Variants in FHOD3 observed in about 807,000 individuals in gnomAD.
The protein encoded by FHOD3 is formin homology 2 domain containing 3.
FHOD3 carries 90 observed loss-of-function variants against 173.0 expected under a neutral mutation model. That is an observed-to-expected ratio of 0.52 (90% CI 0.44 to 0.62). The LOEUF (loss-of-function observed/expected upper bound fraction) is 0.62, where lower values mean the gene tolerates loss of function less well. FHOD3 is among the 20% of genes least tolerant of loss of function. The probability of loss-of-function intolerance (pLI) is 0.00; values close to 1 mark genes in which losing one functional copy is unlikely to be tolerated. For synonymous variants in FHOD3, 828 were observed against 823.0 expected (o/e 1.01, Z -0.10); for missense variants, 1,945 against 2,034.7 (o/e 0.96, Z 0.85).
At chr18:36,327,047 T>C (rs1228729231) in intron 1 of FHOD3, among the ~76,000 whole-genome samples, 1 of 152,326 alleles carries the variant, frequency 6.6e-6, no homozygotes, top group East Asian at 1.9e-4. Context: ...GTGATATCTC[T>C]GTAAAGTACG....
chr18:36,517,017 G>A (rs1029304852), intron 5 of FHOD3, among the ~76,000 whole-genome samples: 15 of 151,586 alleles, frequency 9.9e-5, no homozygotes, highest in South Asian at 4.2e-4. Flanking sequence ...CCAGGAATCC[G>A]CTGCTTTCCT....
chr18:36,549,568 C>T (rs557908970), intron 5 of FHOD3, among the ~76,000 whole-genome samples: 94 of 112,762 alleles, frequency 8.3e-4, no homozygotes, highest in Non-Finnish European at 1.4e-3. Context: ...GATGGAGTCT[C>T]GCTCTGTTAC....
intron 3 of FHOD3, among the ~76,000 whole-genome samples, chr18:36,459,548 C>G (rs2052427841): frequency 6.6e-6 from 1 of 152,146 alleles, no homozygotes; most frequent in Non-Finnish European, 1.5e-5. Context: ...CCTGTCTGAC[C>G]TGCAGTGTGG....
chr18:36,535,871 G>T (rs961470127), intron 5 of FHOD3, among the ~76,000 whole-genome samples: 2 of 152,100 alleles, frequency 1.3e-5, no homozygotes, highest in South Asian at 2.1e-4. Flanking sequence ...TAGGCATTTT[G>T]GTCCAAGAGG....
chr18:36,467,973 C>T (rs1332080336), intron 3 of FHOD3, among the ~76,000 whole-genome samples: 1 of 152,246 alleles, frequency 6.6e-6, no homozygotes, highest in African/African-American at 2.4e-5. Context: ...AAATGATTTG[C>T]ACAGTCTGAA....
chr18:36,467,917 C>T (rs1458739318), intron 3 of FHOD3, among the ~76,000 whole-genome samples: 1 of 152,176 alleles, frequency 6.6e-6, no homozygotes, highest in African/African-American at 2.4e-5. Flanking sequence ...CTGCAGACCT[C>T]GAGAAGTGGG....
chr18:36,683,547 T>C (rs2038395496), intron 15 of FHOD3, among the ~76,000 whole-genome samples: 1 of 152,184 alleles, frequency 6.6e-6, no homozygotes, highest in Non-Finnish European at 1.5e-5. Flanking sequence ...GAGTTTACCA[T>C]TTTTTACCTT....
intron 28 of FHOD3, among the ~76,000 whole-genome samples, chr18:36,772,141 C>A (rs902441708): frequency 6.6e-6 from 1 of 152,162 alleles, no homozygotes; most frequent in Non-Finnish European, 1.5e-5. Context: ...GTCATATATT[C>A]TTTTTATTTA....
chr18:36,648,496 A>G (rs1479437332), intron 10 of FHOD3, among the ~76,000 whole-genome samples: 2 of 152,218 alleles, frequency 1.3e-5, no homozygotes, highest in Admixed American at 6.5e-5. Context: ...CCTAAGCAAC[A>G]ACGAGAATTT....
At chr18:36,305,724 T>G (rs2092075389) in intron 1 of FHOD3, among the ~76,000 whole-genome samples, 1 of 152,186 alleles carries the variant, frequency 6.6e-6, no homozygotes. Context: ...ACTGACAGGC[T>G]GGAGACTCTG....
At chr18:36,550,221 T>G (rs2057589852) in intron 5 of FHOD3, among the ~76,000 whole-genome samples, 1 of 143,124 alleles carries the variant, frequency 7.0e-6, no homozygotes, top group Non-Finnish European at 1.5e-5. Flanking sequence ...TGTATATATA[T>G]ATATATAGGC....
intron 5 of FHOD3, among the ~76,000 whole-genome samples, chr18:36,570,664 T>C (rs1290563301): frequency 6.6e-6 from 1 of 151,988 alleles, no homozygotes; most frequent in Non-Finnish European, 1.5e-5. Flanking sequence ...CAGCAATATA[T>C]GAAAAGAGTA....
chr18:36,341,897 C>A (rs1368472969), intron 1 of FHOD3, among the ~76,000 whole-genome samples: 1 of 151,660 alleles, frequency 6.6e-6, no homozygotes, highest in African/African-American at 2.4e-5. Flanking sequence ...GAGTCATGAC[C>A]AAGAAAAAAA....
At chr18:36,412,995 A>T (rs1269376658) in intron 3 of FHOD3, among the ~76,000 whole-genome samples, 1 of 152,192 alleles carries the variant, frequency 6.6e-6, no homozygotes, top group African/African-American at 2.4e-5. Context: ...GTGAAACTTC[A>T]TTCAACAAAA....
intron 5 of FHOD3, among the ~76,000 whole-genome samples, chr18:36,562,815 G>C (rs1238322874): frequency 6.6e-6 from 1 of 152,202 alleles, no homozygotes; most frequent in East Asian, 1.9e-4. Context: ...CACCTGTGGA[G>C]CCCTGACCAA....
intron 2 of FHOD3, among the ~76,000 whole-genome samples, chr18:36,372,185 T>C (rs2047226067): frequency 6.6e-6 from 1 of 152,214 alleles, no homozygotes; most frequent in Non-Finnish European, 1.5e-5. Flanking sequence ...ATTCCCATTT[T>C]CCTGTAAAAG....
intron 5 of FHOD3, among the ~76,000 whole-genome samples, chr18:36,549,259 T>G (rs1333570010): frequency 2.0e-5 from 3 of 152,226 alleles, no homozygotes; most frequent in Admixed American, 2.0e-4. Context: ...TTTTTGCCAA[T>G]TTTTAATTGG....
intron 1 of FHOD3, among the ~76,000 whole-genome samples, chr18:36,309,884 C>A (rs1273461606): frequency 6.6e-6 from 1 of 152,208 alleles, no homozygotes; most frequent in African/African-American, 2.4e-5. Context: ...CATAGGTTAG[C>A]CTGGCTGATC....
intron 5 of FHOD3, among the ~76,000 whole-genome samples, chr18:36,543,811 G>C (rs2057315484): frequency 6.6e-6 from 1 of 152,210 alleles, no homozygotes; most frequent in Non-Finnish European, 1.5e-5. Context: ...TGCTGGTGCT[G>C]AGTGTTTCAA....
Sources: allele counts gnomAD v4.1 joint callset (sites outside exome capture counted in the v4.1 genomes callset), GRCh38; gene constraint gnomAD v4.1.1; transcripts MANE v1.5; gene names NCBI Gene and HGNC (gene_info 2026-07-23, HGNC 2026-07-21).